Variants in ROBO2 observed in about 807,000 individuals in gnomAD.
ROBO2 encodes roundabout guidance receptor 2.
Under a neutral mutation model 160.8 loss-of-function variants are expected in ROBO2, and 53 were observed. The observed-to-expected ratio is 0.33, with a 90% CI of 0.26 to 0.41. The LOEUF (loss-of-function observed/expected upper bound fraction) is 0.41, where lower values mean the gene tolerates loss of function less well. Ranked by LOEUF, ROBO2 falls within the 10% of genes least tolerant of loss-of-function variation. The pLI is 1.00. For synonymous variants in ROBO2, 664 were observed against 611.7 expected, an observed-to-expected ratio of 1.09 and a Z score of -1.26; for missense variants, 1,577 against 1,722.4, an observed-to-expected ratio of 0.92 and a Z score of 1.49.
At chr3:76,037,137 A>G (rs1260765303) in intron 2 of ROBO2, among the ~76,000 whole-genome samples, 1 of 152,006 alleles carries the variant, frequency 6.6e-6, no homozygotes, top group African/African-American at 2.4e-5. Context: ...TGTAAATCCT[A>G]TTAAATAATT....
intron 2 of ROBO2, among the ~76,000 whole-genome samples, chr3:76,902,012 AT>A (rs1043347302): frequency 3.4e-4 from 51 of 151,808 alleles, no homozygotes; most frequent in African/African-American, 1.2e-3. Context: ...GTTTTATATA[AT>A]TTTTTACTGT....
At chr3:77,234,240 A>G (rs916677870) in intron 2 of ROBO2, among the ~76,000 whole-genome samples, 12 of 152,124 alleles carry the variant, frequency 7.9e-5, no homozygotes, top group Admixed American at 4.6e-4. Flanking sequence ...ATCAAATCTG[A>G]TTCTTCCCCC....
chr3:77,257,649 A>T (rs1325254116), intron 2 of ROBO2, among the ~76,000 whole-genome samples: 1 of 152,234 alleles, frequency 6.6e-6, no homozygotes, highest in Non-Finnish European at 1.5e-5. Context: ...CCCTTTGCAC[A>T]GTTGTACTTG....
intron 2 of ROBO2, among the ~76,000 whole-genome samples, chr3:77,252,799 C>A (rs1261039799): frequency 6.2e-5 from 2 of 32,012 alleles, no homozygotes; most frequent in East Asian, 1.0e-3. Flanking sequence ...CAGAGCAAGA[C>A]TCCATCTCAA....
intron 2 of ROBO2, among the ~76,000 whole-genome samples, chr3:76,215,610 A>G (rs1236612414): frequency 6.6e-6 from 1 of 152,194 alleles, no homozygotes; most frequent in East Asian, 1.9e-4. Context: ...AGTTTAGAGA[A>G]AAAAGATTAA....
At chr3:76,547,686 AGCAC>A (rs1347026995) in intron 2 of ROBO2, among the ~76,000 whole-genome samples, 1 of 152,114 alleles carries the variant, frequency 6.6e-6, no homozygotes, top group African/African-American at 2.4e-5. Flanking sequence ...CCTCTATGCT[AGCAC>A]TGACGCTATG....
At chr3:76,879,538 ATAAAG>A (rs759928399) in intron 2 of ROBO2, among the ~76,000 whole-genome samples, 5 of 152,136 alleles carry the variant, frequency 3.3e-5, no homozygotes, top group Non-Finnish European at 5.9e-5. Context: ...CAACATAACT[ATAAAG>A]TAAAACTGCC....
chr3:76,587,222 C>G (rs963321757), intron 2 of ROBO2, among the ~76,000 whole-genome samples: 7 of 152,176 alleles, frequency 4.6e-5, no homozygotes, highest in Admixed American at 3.9e-4. Flanking sequence ...GTTTTTATTG[C>G]TTTTTCTCCA....
At chr3:76,126,412 G>A (rs149798725) in intron 2 of ROBO2, among the ~76,000 whole-genome samples, 166 of 152,072 alleles carry the variant, frequency 1.1e-3, no homozygotes, top group African/African-American at 3.9e-3. Context: ...ATAGCATAAC[G>A]CTTATTTAGT....
Position 76,730,986 on chromosome 3 carries a change from GTCCTCACCTCCTACTCCCTACCCGCTTT to G in ROBO2, c.110-366997_110-366970del, listed in dbSNP as rs1560460193. 4.6e-3 allele frequency among the ~76,000 whole-genome samples: 181 copies of G among 39,284 alleles called. 39 individuals carry two copies. Among genetic ancestry groups the G allele is most frequent in the Middle Eastern group, 0.021 (1 of 48 alleles). The allele number at this position is 39,284 out of a possible 152,430, so 25.8% of individuals were successfully genotyped here. ...CTCACCTCCTACTCCCTACCCGCTTGTCCTCACCTCCTACTCCCTACCCGCTTTTCCTCACCTCCTACTCCCTACCCGC... is the reference window on the plus strand; with the variant it reads ...CTCACCTCCTACTCCCTACCCGCTTGTCCTCACCTCCTACTCCCTACCCGC... On this transcript the variant is annotated intron_variant, in intron 2 of 26. Coordinates refer to the ROBO2 transcript ENST00000487694.
At chr3:77,388,316 G>T (rs1029625789) in intron 2 of ROBO2, among the ~76,000 whole-genome samples, 41 of 152,116 alleles carry the variant, frequency 2.7e-4, no homozygotes, top group African/African-American at 9.4e-4. Flanking sequence ...CAGGAGGCTG[G>T]GGCTGGACAA....
intron 2 of ROBO2, among the ~76,000 whole-genome samples, chr3:76,011,433 C>T (rs1301022042): frequency 6.6e-6 from 1 of 152,186 alleles, no homozygotes; most frequent in African/African-American, 2.4e-5. Flanking sequence ...CCTGCCCTCA[C>T]CCCCAAAATT....
At chr3:77,103,938 A>T (rs2072420363) in intron 2 of ROBO2, among the ~76,000 whole-genome samples, 1 of 152,142 alleles carries the variant, frequency 6.6e-6, no homozygotes, top group Non-Finnish European at 1.5e-5. Flanking sequence ...TTTTTATTTT[A>T]TTTTGGCTGT....
chr3:76,937,507 T>C (rs2077786148), intron 2 of ROBO2, among the ~76,000 whole-genome samples: 2 of 151,970 alleles, frequency 1.3e-5, no homozygotes, highest in Non-Finnish European at 2.9e-5. Flanking sequence ...TTTTCTTATG[T>C]AATTTATTAG....
At chr3:77,131,009 GC>G (rs1281025761) in intron 2 of ROBO2, among the ~76,000 whole-genome samples, 2 of 152,058 alleles carry the variant, frequency 1.3e-5, no homozygotes, top group Admixed American at 6.5e-5. Flanking sequence ...ATTTCTTACT[GC>G]TTTTTCCTTT....
At chr3:76,300,136 CTG>C (rs923570758) in intron 2 of ROBO2, among the ~76,000 whole-genome samples, 2 of 152,206 alleles carry the variant, frequency 1.3e-5, no homozygotes, top group African/African-American at 2.4e-5. Context: ...CTCATCCAAA[CTG>C]TGTTCTTATT....
chr3:76,806,214 C>CGTGTGTGTGT (rs71104623), intron 2 of ROBO2, among the ~76,000 whole-genome samples: 1,521 of 146,248 alleles, frequency 0.01, 39 homozygotes, highest in Admixed American at 0.052. Flanking sequence ...TTTCTGTGTG[C>CGTGTGTGTGT]GTGTGTGTGT....
chr3:77,487,965 A>T (rs989620047), intron 4 of ROBO2, among the ~76,000 whole-genome samples: 7 of 152,096 alleles, frequency 4.6e-5, no homozygotes, highest in African/African-American at 1.7e-4. Flanking sequence ...TGGGCACTTA[A>T]TTTTTTCATG....
intron 2 of ROBO2, among the ~76,000 whole-genome samples, chr3:76,551,383 T>C (rs1291646691): frequency 6.6e-6 from 1 of 152,132 alleles, no homozygotes; most frequent in Non-Finnish European, 1.5e-5. Flanking sequence ...TCCTGAGAGC[T>C]GTTCTGTTGC....
Sources: allele counts gnomAD v4.1 joint callset (sites outside exome capture counted in the v4.1 genomes callset), GRCh38; gene constraint gnomAD v4.1.1; transcripts MANE v1.5; gene names NCBI Gene and HGNC (gene_info 2026-07-23, HGNC 2026-07-21).